Variants in UNC13A observed in about 807,000 individuals in gnomAD.
UNC13A encodes the protein protein unc-13 homolog A.
A neutral mutation model predicts 219.7 loss-of-function variants in UNC13A; 61 were observed. The observed-to-expected ratio is 0.28, with a 90% confidence interval of 0.23 to 0.34. The LOEUF is 0.34. Ranked by LOEUF, UNC13A falls within the 10% of genes least tolerant of loss-of-function variation. The pLI is 1.00. For synonymous variants in UNC13A, 920 were observed against 884.6 expected, an observed-to-expected ratio of 1.04 and a Z score of -0.71; for missense variants, 1,476 against 2,270.3, an observed-to-expected ratio of 0.65 and a Z score of 7.11.
In UNC13A at chr19:17,655,292, C is replaced by A. The variant is rs745829444; in HGVS notation, c.1374G>T (p.Val458=). The A allele has an allele frequency of 3.2e-6, 5 of 1,581,330 alleles. No homozygotes were observed. Among genetic ancestry groups the A allele is most frequent in the Non-Finnish European group, 4.3e-6 (5 of 1,165,240 alleles). ...KANWLRAFNK[V]RMQLQEARGE... ...CACTCACCTCCTGCAGCTGCATCCG[C>A]ACCTTGTTGAAGGCACGCAGCCAGT... The change falls in exon 11 of 44, where the codon GTG becomes GTT. Residue 458 remains valine, a synonymous_variant. Transcript: ENST00000519716.
chr19:17,640,526 G>A lies in UNC13A; in HGVS notation c.2772C>T (p.Ala924=), dbSNP rs73922172. 5.5e-3 allele frequency: 8,584 copies of A among 1,550,128 alleles called. 362 individuals carry two copies. The African/African-American group carries it at 0.1, about 19-fold the overall frequency. ...CAGGACTGACCCCAAAGTTGGAGGC[G>A]GCGAAGCGGTCGGAGGCAGACACGT... ...STNVSASDRF[A]ASNFGKERFV... The change falls in exon 22 of 44, where the codon GCC becomes GCT. Residue 924 remains alanine, a synonymous_variant. Transcript: ENST00000519716.
chr19:17,636,268 G>A, intron 25 of UNC13A, 111 bp from the exon 26 acceptor site: 1 of 1,304,826 alleles, frequency 7.7e-7, no homozygotes, highest in Non-Finnish European at 1.0e-6. Context: ...ATCATCATGT[G>A]TATGGTTCAG....
At chr19:17,640,879 TC>T (rs1161899101) in intron 21 of UNC13A, among the ~76,000 whole-genome samples, 1 of 114,574 alleles carries the variant, frequency 8.7e-6, no homozygotes, top group East Asian at 2.0e-4. Context: ...TTTCTTTCTT[TC>T]TTTTTTTTTT....
At chr19:17,623,937 T>G (rs1792473571) in intron 35 of UNC13A, among the ~76,000 whole-genome samples, 1 of 152,052 alleles carries the variant, frequency 6.6e-6, no homozygotes, top group African/African-American at 2.4e-5. Context: ...GGTCCTGGTC[T>G]CTGGATGGCC....
intron 20 of UNC13A, among the ~76,000 whole-genome samples, chr19:17,642,512 A>G (rs1304257769): frequency 6.6e-6 from 1 of 152,126 alleles, no homozygotes; most frequent in Non-Finnish European, 1.5e-5. Flanking sequence ...GTTCCTGGGG[A>G]TAAGAGTTCT....
At chr19:17,618,772 A>G (rs1211048004) in intron 39 of UNC13A, 134 bp downstream of exon 39, 1 of 878,108 alleles carries the variant, frequency 1.1e-6, no homozygotes, top group African/African-American at 1.7e-5. Context: ...TGCTTCAGTG[A>G]GTAGAGTTTC....
chr19:17,623,594 G>GAGGGGGGAA (rs2076752767), intron 35 of UNC13A, 47 bp from the exon 36 acceptor site: 1 of 1,039,040 alleles, frequency 9.6e-7, no homozygotes, highest in South Asian at 1.8e-5. Flanking sequence ...GGGGAATAAG[G>GAGGGGGGAA]TACCATGAGT....
intron 16 of UNC13A, among the ~76,000 whole-genome samples, chr19:17,648,027 C>G (rs1220121386): frequency 6.9e-6 from 1 of 144,500 alleles, no homozygotes; most frequent in Non-Finnish European, 1.5e-5. Flanking sequence ...TCCAATCCCC[C>G]CCTCCACAGT....
At chr19:17,608,000 C>T (rs1284850369) in intron 43 of UNC13A, among the ~76,000 whole-genome samples, 7 of 150,742 alleles carry the variant, frequency 4.6e-5, no homozygotes, top group African/African-American at 1.7e-4. Flanking sequence ...GTACCCCTCA[C>T]CCTCTGGAGT....
At position 17,648,695 on chromosome 19, in the gene UNC13A, G is replaced by A. The variant is rs748319019; in HGVS notation, c.1597-45C>T. On this transcript the variant is annotated intron_variant, in intron 15 of 43. Coordinates refer to ENST00000519716, the MANE Select transcript of UNC13A (RefSeq NM_001080421.3). ...GCGGTTTGGGGGCGCCTAACCTGGC[G>A]CTGTCCCTGTCCTGCCCCATTCCGC... 4 of 1,579,774 alleles carry A rather than the reference G, an allele frequency of 2.5e-6. No homozygotes were observed. The South Asian group carries it at 3.5e-5, about 14-fold the overall frequency.
In UNC13A at chr19:17,649,633, T is replaced by C. The variant is rs377476412; in HGVS notation, c.1440-46A>G. 15 of 1,606,484 alleles carry C rather than the reference T, an allele frequency of 9.3e-6. No individual in the cohort carries two copies. The African/African-American group carries it at 1.5e-4, about 16-fold the overall frequency. ...CTGAGGGCCCAGATGTCCCTATTCC[T>C]CACATAGAGCCCTGGGGAGAACATT... On this transcript the variant is annotated intron_variant, in intron 12 of 43. Coordinates refer to ENST00000519716, the MANE Select transcript of UNC13A (RefSeq NM_001080421.3). The surrounding 1 kb of genome is among the most constrained non-coding windows in gnomAD (Gnocchi z 4.4).
rs1022665698 is a variant in UNC13A, at chr19:17,606,086, C to T, written c.5080G>A (p.Ala1694Thr). 3.1e-6 allele frequency: 5 copies of T among 1,588,988 alleles called. No homozygotes were observed. The South Asian group carries it at 3.4e-5, about 11-fold the overall frequency. ...GCAGGCGCGGCACCGCCCTCCTCGG[C>T]GGAGCGCGTGTCCGACTTGAGCTTC... ...FVKLKSDTRS[A>T]EEGGAAPAP is the part of the protein sequence containing the mutation. The change falls in exon 44 of 44, where the codon GCC becomes ACC. Residue 1694 changes from alanine (A) to threonine (T), a missense_variant. By Grantham distance (58) the Ala-to-Thr change is moderately conservative. This residue lies in a region of UNC13A where 187 missense variants were observed against 172.3 expected (regional missense o/e 1.09). Transcript: ENST00000519716.
rs368905994 is a variant in UNC13A at position 17,633,115 on chromosome 19, G to A, written c.3294C>T (p.Ala1098=). 11 of 1,614,010 alleles carry A rather than the reference G, an allele frequency of 6.8e-6. No individual in the cohort carries two copies. The African/African-American group carries it at 1.5e-4, about 22-fold the overall frequency. Residue 1098 remains alanine (A), a synonymous_variant, in exon 27 of 44, where the codon GCC becomes GCT. Transcript: ENST00000519716. ...WNLFAQDMKY[A]MEEHDKHRLC... ...CTGGGGTGGGAAACTCACCCTCCATGGCGTACTTCATGTCTTGGGCAAACA... is the reference window on the plus strand; with the variant it reads ...CTGGGGTGGGAAACTCACCCTCCATAGCGTACTTCATGTCTTGGGCAAACA...
At chr19:17,670,470 C>T (rs8113743) in intron 4 of UNC13A, among the ~76,000 whole-genome samples, 83,040 of 151,550 alleles carry the variant, frequency 0.55, 25,359 homozygotes, top group African/African-American at 0.8. Context: ...CTGCTGAGCT[C>T]AGGCAATCCA....
intron 1 of UNC13A, among the ~76,000 whole-genome samples, chr19:17,680,420 CA>C (rs1433253386): frequency 2.0e-5 from 3 of 151,958 alleles, no homozygotes; most frequent in African/African-American, 7.2e-5. Context: ...CGCCGGCGGA[CA>C]GGGGGGCGGG....
chr19:17,667,377 T>A (rs12976724), intron 6 of UNC13A, among the ~76,000 whole-genome samples: 2 of 152,174 alleles, frequency 1.3e-5, no homozygotes, highest in Non-Finnish European at 2.9e-5. Context: ...AGTAATGCCA[T>A]GGAATTCCAG....
chr19:17,640,045 T>G (rs979598396), intron 22 of UNC13A, 137 bp from the exon 23 acceptor site: 9 of 900,344 alleles, frequency 1.0e-5, no homozygotes, highest in African/African-American at 5.0e-5. Flanking sequence ...CATTTTTTTT[T>G]TTGTTTTGAG....
At chr19:17,639,673 A>G (rs1165015489) in intron 23 of UNC13A, 148 bp from the exon 24 acceptor site, 6 of 1,154,536 alleles carry the variant, frequency 5.2e-6, no homozygotes, top group Non-Finnish European at 7.5e-6. Flanking sequence ...GCTTGGATGC[A>G]CCAAGCACAT....
intron 28 of UNC13A, among the ~76,000 whole-genome samples, chr19:17,631,869 C>A (rs772034908): frequency 2.0e-5 from 3 of 152,206 alleles, no homozygotes; most frequent in Admixed American, 2.0e-4. Flanking sequence ...TTCGGCCTCC[C>A]GAGTAGCTGG....
Sources: allele counts gnomAD v4.1 joint callset (sites outside exome capture counted in the v4.1 genomes callset), GRCh38; gene constraint gnomAD v4.1.1; regional missense constraint gnomAD v4.1.1; non-coding constraint Gnocchi (gnomAD v3.1); transcripts MANE v1.5; gene names NCBI Gene and HGNC (gene_info 2026-07-23, HGNC 2026-07-21).